USP7: variants seen among roughly 807,000 people sequenced by gnomAD.
USP7 encodes the protein ubiquitin C-terminal hydrolase 7.
In USP7, 9 loss-of-function variants were observed where a neutral mutation model predicts 162.9. That is an observed-to-expected ratio of 0.06 (90% CI 0.03 to 0.10). USP7 has a LOEUF of 0.10. Among genes scored for constraint, USP7 ranks in the 10% least tolerant of loss-of-function variants. The pLI, the probability that USP7 is intolerant of heterozygous loss-of-function variation, is 1.00. For synonymous variants in USP7, 562 were observed against 475.9 expected (o/e 1.18, Z -2.35); for missense variants, 715 against 1,373.7 (o/e 0.52, Z 7.58).
intron 14 of USP7, 139 bp downstream of exon 14, chr16:8,905,048 C>T (rs2061838660): frequency 1.9e-6 from 2 of 1,026,074 alleles, no homozygotes; most frequent in East Asian, 5.0e-5. Context: ...CAAGCCCAAC[C>T]CTGCTCATTT....
intron 10 of USP7, among the ~76,000 whole-genome samples, chr16:8,914,180 AAAGGT>A (rs2061994072): frequency 6.6e-6 from 1 of 151,936 alleles, no homozygotes; most frequent in Admixed American, 6.5e-5. Flanking sequence ...AAGCATTTGA[AAAGGT>A]AAGAACAACC....
intron 5 of USP7, 114 bp downstream of exon 5, chr16:8,920,245 C>CA: frequency 2.2e-6 from 2 of 891,994 alleles, no homozygotes; most frequent in Non-Finnish European, 3.5e-6. Context: ...AGGGCAAGCG[C>CA]AGAGAGGAGG....
intron 1 of USP7, among the ~76,000 whole-genome samples, chr16:8,961,264 G>T (rs1382516507): frequency 6.6e-6 from 1 of 151,944 alleles, no homozygotes; most frequent in South Asian, 2.1e-4. Context: ...AGGACGAGGC[G>T]GGCAGATCAC....
At chr16:8,935,796 C>T (rs1193250741) in intron 1 of USP7, 5 of 152,164 alleles carry the variant, frequency 3.3e-5, no homozygotes, top group Non-Finnish European at 5.9e-5. Context: ...GGCCTATATT[C>T]CCACCTGCTC....
chr16:8,900,860 C>T (rs2061762848), intron 20 of USP7, 130 bp downstream of exon 20: 5 of 927,454 alleles, frequency 5.4e-6, no homozygotes, highest in Non-Finnish European at 4.8e-6. Flanking sequence ...ATGTCATTCT[C>T]AAGATCATCT....
intron 1 of USP7, among the ~76,000 whole-genome samples, chr16:8,949,202 C>G (rs1158237814): frequency 1.3e-5 from 2 of 152,098 alleles, no homozygotes; most frequent in African/African-American, 2.4e-5. Flanking sequence ...TGATTGTTAC[C>G]GAATTTTATC....
chr16:8,901,958 T>C (rs1026393298), intron 18 of USP7, 124 bp downstream of exon 18: 5 of 810,920 alleles, frequency 6.2e-6, no homozygotes, highest in Middle Eastern at 3.4e-4. Context: ...TAGTGAGCTT[T>C]TGTGGAATTG....
intron 1 of USP7, among the ~76,000 whole-genome samples, chr16:8,931,432 C>G (rs1188563849): frequency 6.6e-6 from 1 of 152,232 alleles, no homozygotes; most frequent in Non-Finnish European, 1.5e-5. Flanking sequence ...AGTGATCCAC[C>G]TGCCTTGGCC....
intron 25 of USP7, 42 bp from the exon 26 acceptor site, chr16:8,897,141 T>C (rs1160937147): frequency 1.4e-6 from 2 of 1,445,024 alleles, no homozygotes; most frequent in South Asian, 2.3e-5. Context: ...CAAGAAAGCA[T>C]AAAAGGTCTG....
intron 1 of USP7, among the ~76,000 whole-genome samples, chr16:8,940,787 C>A (rs1429527514): frequency 6.6e-6 from 1 of 152,030 alleles, no homozygotes; most frequent in Admixed American, 6.6e-5. Context: ...AGGTAGGGCC[C>A]TGGAATATTA....
intron 18 of USP7, among the ~76,000 whole-genome samples, chr16:8,901,560 G>C (rs1330473043): frequency 6.6e-6 from 1 of 152,188 alleles, no homozygotes; most frequent in South Asian, 2.1e-4. Flanking sequence ...GTTGCCACGG[G>C]AAGATTGCGC....
At chr16:8,912,413 G>A (rs1404947407) in intron 10 of USP7, among the ~76,000 whole-genome samples, 1 of 150,032 alleles carries the variant, frequency 6.7e-6, no homozygotes, top group Non-Finnish European at 1.5e-5. Context: ...CTGCATGACT[G>A]CACTCCAGCC....
intron 1 of USP7, among the ~76,000 whole-genome samples, chr16:8,959,561 TC>T (rs1197548013): frequency 1.3e-5 from 2 of 152,202 alleles, no homozygotes; most frequent in African/African-American, 4.8e-5. Flanking sequence ...TACTGGGTTC[TC>T]TGAGCTGATG....
chr16:8,948,535 G>C (rs1170330875), intron 1 of USP7, among the ~76,000 whole-genome samples: 1 of 152,142 alleles, frequency 6.6e-6, no homozygotes, highest in African/African-American at 2.4e-5. Context: ...TGCAAAAAAA[G>C]TTCAAATCCC....
chr16:8,920,472 C>T (rs775300723), intron 4 of USP7, 25 bp from the exon 5 acceptor site: 3 of 1,586,386 alleles, frequency 1.9e-6, no homozygotes, highest in East Asian at 2.2e-5. Context: ...TAAGAATATC[C>T]AGCTTGAATA....
rs749558329 is a variant in USP7 at position 8,901,278 on chromosome 16, G to A, written c.2048-44C>T. The A allele has an allele frequency of 4.4e-6, 6 of 1,352,766 alleles. No homozygotes were observed. The African/African-American group carries it at 4.5e-5, about 10-fold the overall frequency. 83.8% of individuals were successfully genotyped at this position (1,352,766 alleles called of 1,614,324 possible). On this transcript the variant is annotated intron_variant, in intron 18 of 30. Transcript: ENST00000344836. The stretch of plus-strand genomic sequence containing the variant: ...AGTTTTGTTAAGATCCAAACACTCA[G>A]CACAATGCTTAAAAAACAAAAAAAC...
intron 1 of USP7, among the ~76,000 whole-genome samples, chr16:8,942,464 T>C (rs1332273001): frequency 1.3e-5 from 2 of 152,356 alleles, no homozygotes; most frequent in Admixed American, 1.3e-4. Flanking sequence ...CCCCAGCCTG[T>C]CAAAGTAGAT....
intron 1 of USP7, among the ~76,000 whole-genome samples, chr16:8,946,319 G>A (rs146864218): frequency 6.6e-6 from 1 of 152,248 alleles, no homozygotes; most frequent in African/African-American, 2.4e-5. Context: ...GGTGGCTTAA[G>A]CCGGTAATCC....
chr16:8,961,511 G>GC (rs1206247284), intron 1 of USP7, among the ~76,000 whole-genome samples: 24 of 130,558 alleles, frequency 1.8e-4, no homozygotes, highest in African/African-American at 6.5e-4. Context: ...AAAAGGGGGG[G>GC]GGGGGCAAAT....
Sources: allele counts gnomAD v4.1 joint callset (sites outside exome capture counted in the v4.1 genomes callset), GRCh38; gene constraint gnomAD v4.1.1; transcripts MANE v1.5; gene names NCBI Gene and HGNC (gene_info 2026-07-23, HGNC 2026-07-21).